The following TMEM242 variants were observed in gnomAD, a reference collection of about 807,000 sequenced individuals.
TMEM242 encodes the protein UPF0463 transmembrane protein C6orf35.
In TMEM242, 10 loss-of-function variants were observed where a neutral mutation model predicts 18.2. The ratio of observed to expected loss-of-function variants is 0.55; its 90% confidence interval spans 0.34 to 0.93. TMEM242 has a LOEUF of 0.93. Among genes scored for constraint, TMEM242 ranks in the 40% least tolerant of loss-of-function variants. TMEM242 has a pLI of 0.02. For missense variants in TMEM242, 186 were observed against 175.5 expected (o/e 1.06, Z -0.34); for synonymous variants, 57 against 69.9 (o/e 0.81, Z 0.92).
intron 2 of TMEM242, among the ~76,000 whole-genome samples, chr6:157,320,769 A>C (rs1351690795): frequency 2.6e-5 from 4 of 152,186 alleles, no homozygotes; most frequent in African/African-American, 9.7e-5. Flanking sequence ...TCTAATTTTC[A>C]CTTGAAAGCT....
At chr6:157,318,960 C>T (rs1554250575) in intron 2 of TMEM242, 41 bp from the exon 3 acceptor site, 1 of 1,552,576 alleles carries the variant, frequency 6.4e-7, no homozygotes, top group East Asian at 2.3e-5. Flanking sequence ...ACAATCAGTG[C>T]AGAAAGAATA....
At chr6:157,311,259 G>T (rs1397556539) in intron 3 of TMEM242, among the ~76,000 whole-genome samples, 1 of 142,888 alleles carries the variant, frequency 7.0e-6, no homozygotes, top group Admixed American at 6.9e-5. Context: ...CGCTCACCTA[G>T]CCTCATCATA....
chr6:157,299,920 C>T (rs782809880), intron 3 of TMEM242: 48 of 1,611,210 alleles, frequency 3.0e-5, no homozygotes, highest in Non-Finnish European at 3.8e-5. Context: ...CCATGCCCAC[C>T]GATCCAGTTC....
In TMEM242 at chr6:157,318,874, C is replaced by T; in HGVS notation, c.235G>A (p.Ala79Thr). ...GAGCCCCAGCCCAGAGCTCGCAAGG[C>T]AAGGGAAGACCCGCTTTCCGGTAAT... ...AALPESGSSLALRALGWGSLY... is the reference protein window; with the variant it reads ...AALPESGSSLTLRALGWGSLY... The change falls in exon 3 of 4, where the codon GCC becomes ACC. Residue 79 changes from alanine (A) to threonine (T), a missense_variant. Transcript: ENST00000400788. 1 of 1,611,966 alleles carries T rather than the reference C, an allele frequency of 6.2e-7. No homozygotes were observed. The highest frequency in any genetic ancestry group is 8.5e-7 in the Non-Finnish European group (1 of 1,179,462).
At chr6:157,306,520 A>T (rs1583559930) in intron 3 of TMEM242, among the ~76,000 whole-genome samples, 1 of 152,164 alleles carries the variant, frequency 6.6e-6, no homozygotes. Flanking sequence ...GTAGTTGGGG[A>T]CAAATGACAG....
intron 3 of TMEM242, among the ~76,000 whole-genome samples, chr6:157,302,640 C>A (rs1174108383): frequency 6.6e-6 from 1 of 152,060 alleles, no homozygotes; most frequent in Non-Finnish European, 1.5e-5. Flanking sequence ...CTAACAAAGA[C>A]GAAGAGATGT....
intron 2 of TMEM242, among the ~76,000 whole-genome samples, chr6:157,321,620 A>T (rs1224129358): frequency 6.6e-6 from 1 of 152,218 alleles, no homozygotes; most frequent in East Asian, 1.9e-4. Flanking sequence ...TGTGGACTGC[A>T]GTTTGAAAAC....
At chr6:157,314,803 A>T (rs1778358742) in intron 3 of TMEM242, among the ~76,000 whole-genome samples, 1 of 152,242 alleles carries the variant, frequency 6.6e-6, no homozygotes, top group Admixed American at 6.5e-5. Context: ...AAACCAAAAT[A>T]CTTTAAAGAA....
At chr6:157,302,460 G>A (rs1407599917) in intron 3 of TMEM242, among the ~76,000 whole-genome samples, 1 of 152,048 alleles carries the variant, frequency 6.6e-6, no homozygotes, top group African/African-American at 2.4e-5. Context: ...TCTTTCTATC[G>A]TTTGAACCTC....
intron 3 of TMEM242, among the ~76,000 whole-genome samples, chr6:157,297,520 C>T (rs1444447446): frequency 1.3e-5 from 2 of 152,216 alleles, no homozygotes; most frequent in Non-Finnish European, 2.9e-5. Flanking sequence ...AGAACTGAAA[C>T]CACCACTCTT....
intron 3 of TMEM242, among the ~76,000 whole-genome samples, chr6:157,295,633 A>ACG (rs1397903762): frequency 1.3e-5 from 2 of 152,292 alleles, no homozygotes; most frequent in East Asian, 3.9e-4. Context: ...CGGCAGGGTT[A>ACG]CGTTTCCATT....
intron 3 of TMEM242, among the ~76,000 whole-genome samples, chr6:157,301,458 C>A (rs1348081349): frequency 6.6e-6 from 1 of 152,018 alleles, no homozygotes; most frequent in African/African-American, 2.4e-5. Context: ...ATTACAGGCA[C>A]CTGCCACCAC....
intron 3 of TMEM242, among the ~76,000 whole-genome samples, chr6:157,312,720 A>G (rs1778212231): frequency 1.3e-5 from 2 of 149,758 alleles, no homozygotes; most frequent in African/African-American, 2.5e-5. Context: ...ACCTGGCCTC[A>G]TCTTACTGTC....
intron 3 of TMEM242, among the ~76,000 whole-genome samples, chr6:157,312,858 C>T (rs1562385474): frequency 2.0e-5 from 3 of 152,122 alleles, no homozygotes; most frequent in Admixed American, 6.5e-5. Flanking sequence ...CTGGCCTCAT[C>T]ATAGTGTCCC....
rs781818876 is a variant in TMEM242, at chr6:157,320,857, T to C, written c.189+1848A>G. Reference sequence around the variant, plus strand: ...GCTCATTTTATTCATTGTTAAGATGTCTGCCAAATATTCTTTCAAGTAAAA... The same window carrying C: ...GCTCATTTTATTCATTGTTAAGATGCCTGCCAAATATTCTTTCAAGTAAAA... On this transcript the variant is annotated intron_variant, in intron 2 of 3. Coordinates refer to ENST00000400788, the MANE Select transcript of TMEM242 (RefSeq NM_018452.6). Among the ~76,000 whole-genome samples the C allele has an allele frequency of 1.3e-3, 192 of 152,224 alleles. 2 individuals are homozygous for C. Among genetic ancestry groups the C allele is most frequent in the Non-Finnish European group, 2.0e-3 (136 of 68,034 alleles).
intron 3 of TMEM242, among the ~76,000 whole-genome samples, chr6:157,314,104 G>C (rs782570179): frequency 4.0e-3 from 9 of 2,236 alleles, no homozygotes; most frequent in African/African-American, 5.8e-3. Flanking sequence ...GCGCTCACCC[G>C]GCCTCATCAT....
At chr6:157,304,093 C>T (rs1777869282) in intron 3 of TMEM242, among the ~76,000 whole-genome samples, 1 of 152,000 alleles carries the variant, frequency 6.6e-6, no homozygotes, top group Non-Finnish European at 1.5e-5. Context: ...ATTTCTGATG[C>T]AATATAAAAG....
At chr6:157,313,072 C>G (rs1583570789) in intron 3 of TMEM242, among the ~76,000 whole-genome samples, 1 of 146,702 alleles carries the variant, frequency 6.8e-6, no homozygotes, top group African/African-American at 2.5e-5. Context: ...CATAGGGTCC[C>G]AGTATGCACT....
At position 157,292,861 on chromosome 6, in the gene TMEM242, C is replaced by A. The variant is rs782080798; in HGVS notation, c.*40G>T. Reference sequence around the variant, plus strand: ...TGTCATGGTGTCTCCAGAGCCACCCCTTTCTGTAACAAGCATTTTGAAATT... The same window carrying A: ...TGTCATGGTGTCTCCAGAGCCACCCATTTCTGTAACAAGCATTTTGAAATT... On this transcript the variant is annotated 3_prime_UTR_variant, in exon 4 of 4. Coordinates refer to ENST00000400788, the MANE Select transcript of TMEM242 (RefSeq NM_018452.6). 6.5e-7 allele frequency: 1 copy of A among 1,536,868 alleles called. No individual in the cohort carries two copies. Among genetic ancestry groups the A allele is most frequent in the South Asian group, 1.1e-5 (1 of 89,434 alleles).
Sources: gnomAD v4.1 joint callset for allele counts (sites outside exome capture counted in the v4.1 genomes callset) on GRCh38, gnomAD v4.1.1 for gene constraint, MANE v1.5 for transcripts, NCBI Gene and HGNC (gene_info 2026-07-23, HGNC 2026-07-21) for gene names.